PKNOX1: variants seen among roughly 807,000 people sequenced by gnomAD.
The protein encoded by PKNOX1 is homeobox protein PKNOX1.
Under a neutral mutation model 51.9 loss-of-function variants are expected in PKNOX1, and 15 were observed. The observed-to-expected ratio is 0.29, with a 90% CI of 0.19 to 0.45. The LOEUF (loss-of-function observed/expected upper bound fraction) is 0.45, where lower values mean the gene tolerates loss of function less well. Ranked by LOEUF, PKNOX1 falls within the 20% of genes least tolerant of loss-of-function variation. PKNOX1 has a pLI of 1.00. For missense variants in PKNOX1, 462 were observed against 547.5 expected (o/e 0.84, Z 1.56); for synonymous variants, 219 against 211.1 (o/e 1.04, Z -0.32).
intron 1 of PKNOX1, among the ~76,000 whole-genome samples, chr21:42,996,431 G>A (rs1978508286): frequency 1.4e-5 from 2 of 144,144 alleles, no homozygotes; most frequent in South Asian, 4.3e-4. Flanking sequence ...ATAAACACTC[G>A]GGGAGTCCCA....
At chr21:42,978,471 T>C (rs1429171837) in intron 1 of PKNOX1, among the ~76,000 whole-genome samples, 1 of 142,570 alleles carries the variant, frequency 7.0e-6, no homozygotes, top group Non-Finnish European at 1.5e-5. Context: ...CTAACTTGTT[T>C]TTTTCTTTTC....
chr21:42,992,831 G>T (rs1300612840), intron 1 of PKNOX1, among the ~76,000 whole-genome samples: 2 of 145,674 alleles, frequency 1.4e-5, no homozygotes, highest in African/African-American at 5.1e-5. Context: ...CAGCAATGGG[G>T]GCCTTCCTCA....
At chr21:42,983,935 G>A (rs879809227) in intron 1 of PKNOX1, among the ~76,000 whole-genome samples, 6 of 152,026 alleles carry the variant, frequency 3.9e-5, no homozygotes, top group Admixed American at 6.6e-5. Flanking sequence ...CTGTCATTTT[G>A]ATTTGTATTT....
chr21:43,013,299 A>G (rs954492390), intron 5 of PKNOX1, 61 bp downstream of exon 5: 2 of 1,226,592 alleles, frequency 1.6e-6, no homozygotes, highest in South Asian at 3.2e-5. Context: ...GCATTGAGTC[A>G]TGAGACCACC....
At position 43,031,736 on chromosome 21, in the gene PKNOX1, A is replaced by G. The variant is rs180706691; in HGVS notation, c.*1635A>G. 200 of 156,698 alleles carry G rather than the reference A, an allele frequency of 1.3e-3. No individual in the cohort carries two copies. The highest frequency in any genetic ancestry group is 1.7e-3 in the Admixed American group (27 of 16,092). 9.7% of individuals were successfully genotyped at this position (156,698 alleles called of 1,614,324 possible). On this transcript the variant is annotated 3_prime_UTR_variant, in exon 11 of 11. Transcript: ENST00000291547. ...AAGCTAGTGAAGAGTTTTTTCTGGAATTGATTTTTCCCAAAAGAATATATT... is the reference window on the plus strand; with the variant it reads ...AAGCTAGTGAAGAGTTTTTTCTGGAGTTGATTTTTCCCAAAAGAATATATT...
intron 2 of PKNOX1, among the ~76,000 whole-genome samples, chr21:43,006,896 C>G (rs1390074617): frequency 1.3e-5 from 2 of 152,086 alleles, no homozygotes; most frequent in African/African-American, 4.8e-5. Flanking sequence ...TTTTTTTTAA[C>G]GATTTAAATG....
chr21:43,006,096 GCTT>G (rs1393915741), intron 2 of PKNOX1, among the ~76,000 whole-genome samples: 1 of 151,092 alleles, frequency 6.6e-6, no homozygotes, highest in Non-Finnish European at 1.5e-5. Context: ...ATCTTTTAAG[GCTT>G]CTTATTTTTT....
chr21:43,010,812 C>T (rs917533841), intron 4 of PKNOX1, among the ~76,000 whole-genome samples: 3 of 151,678 alleles, frequency 2.0e-5, no homozygotes, highest in Non-Finnish European at 2.9e-5. Context: ...TGCAGTGAGC[C>T]GAGATTGTGC....
intron 1 of PKNOX1, 28 bp downstream of exon 1, chr21:42,974,692 C>CCGCCGCCGCCGCTCT (rs979924257): frequency 4.8e-5 from 8 of 166,964 alleles, no homozygotes; most frequent in South Asian, 3.3e-4. Context: ...CGCTCCGCCG[C>CCGCCGCCGCCGCTCT]CGCCGCCGCC....
intron 1 of PKNOX1, among the ~76,000 whole-genome samples, chr21:42,996,061 A>T (rs1169521848): frequency 6.6e-6 from 1 of 152,196 alleles, no homozygotes; most frequent in Non-Finnish European, 1.5e-5. Context: ...AGAAATTTTT[A>T]AAAATTAGCC....
chr21:43,011,648 G>GAT lies in PKNOX1; in HGVS notation c.352-1419_352-1418dup, dbSNP rs539103381. Among the ~76,000 whole-genome samples, 421 of 152,324 alleles carry GAT rather than the reference G, an allele frequency of 2.8e-3. 2 individuals are homozygous for GAT. The highest frequency in any genetic ancestry group is 9.2e-3 in the African/African-American group (384 of 41,568). The stretch of plus-strand genomic sequence containing the variant: ...ATCCGGCATCAGGGAACCTTCACTG[G>GAT]ATTCCCTTCGAGCCATCTTGGTCCC... On this transcript the variant is annotated intron_variant, in intron 4 of 10. Coordinates refer to ENST00000291547, the MANE Select transcript of PKNOX1 (RefSeq NM_004571.5).
chr21:42,995,223 T>G (rs1978447086), intron 1 of PKNOX1, among the ~76,000 whole-genome samples: 1 of 151,876 alleles, frequency 6.6e-6, no homozygotes. Flanking sequence ...CACCTGGCCG[T>G]TTACTTTTAT....
Position 42,995,704 on chromosome 21 carries a change from G to T in PKNOX1, c.-56-8622G>T, listed in dbSNP as rs527383747. 3.9e-5 allele frequency among the ~76,000 whole-genome samples: 6 copies of T among 152,174 alleles called. No individual in the cohort carries two copies. In the South Asian group the frequency reaches 1.2e-3, roughly 32 times the overall value. ...AAAAATAAAAAATGAAATGTATCTT[G>T]TGGCAGGTACTTTGAGATTATGTAC... On this transcript the variant is annotated intron_variant, in intron 1 of 10. Coordinates refer to ENST00000291547, the MANE Select transcript of PKNOX1 (RefSeq NM_004571.5).
intron 9 of PKNOX1, among the ~76,000 whole-genome samples, chr21:43,025,504 A>G (rs754700472): frequency 7.9e-5 from 12 of 152,222 alleles, no homozygotes; most frequent in Non-Finnish European, 1.5e-4. Context: ...AGAAACACCC[A>G]GGAGGACATT....
intron 7 of PKNOX1, 68 bp downstream of exon 7, chr21:43,018,298 A>G: frequency 2.1e-6 from 2 of 943,264 alleles, no homozygotes; most frequent in Non-Finnish European, 3.5e-6. Flanking sequence ...AGGTAGAACA[A>G]GCATGAGCCC....
At chr21:42,983,629 A>C (rs983536137) in intron 1 of PKNOX1, among the ~76,000 whole-genome samples, 1 of 150,898 alleles carries the variant, frequency 6.6e-6, no homozygotes, top group Non-Finnish European at 1.5e-5. Flanking sequence ...TCCTACTTTC[A>C]ATTTTTTTGG....
At chr21:42,976,320 T>G (rs1158397679) in intron 1 of PKNOX1, among the ~76,000 whole-genome samples, 2 of 152,270 alleles carry the variant, frequency 1.3e-5, no homozygotes, top group Non-Finnish European at 2.9e-5. Context: ...GAGCCTTTAG[T>G]GAGTCCTGCT....
intron 1 of PKNOX1, among the ~76,000 whole-genome samples, chr21:43,002,962 G>A (rs185098542): frequency 4.9e-4 from 75 of 152,246 alleles, no homozygotes; most frequent in Non-Finnish European, 9.4e-4. Context: ...TGATCCACCC[G>A]CCTGCACCTC....
chr21:42,976,190 A>T (rs1291245082), intron 1 of PKNOX1, among the ~76,000 whole-genome samples: 1 of 152,250 alleles, frequency 6.6e-6, no homozygotes, highest in Non-Finnish European at 1.5e-5. Flanking sequence ...TTTTCAGTGC[A>T]TATGAAAGTT....
Sources: gnomAD v4.1 joint callset for allele counts (sites outside exome capture counted in the v4.1 genomes callset) on GRCh38, gnomAD v4.1.1 for gene constraint, MANE v1.5 for transcripts, NCBI Gene and HGNC (gene_info 2026-07-23, HGNC 2026-07-21) for gene names.